RELN: variants seen among roughly 807,000 people sequenced by gnomAD.
The protein encoded by RELN is reelin.
A neutral mutation model predicts 427.6 loss-of-function variants in RELN; 108 were observed. The ratio of observed to expected loss-of-function variants is 0.25; its 90% CI spans 0.22 to 0.30. RELN has a LOEUF of 0.30. Among genes scored for constraint, RELN ranks in the 10% least tolerant of loss-of-function variants. RELN has a pLI of 1.00. For synonymous variants in RELN, 1,524 were observed against 1,513.4 expected (o/e 1.01, Z -0.16); for missense variants, 3,715 against 4,302.8 (o/e 0.86, Z 3.82).
intron 11 of RELN, among the ~76,000 whole-genome samples, chr7:103,662,964 T>C (rs1339224166): frequency 1.3e-5 from 2 of 152,202 alleles, no homozygotes; most frequent in Non-Finnish European, 1.5e-5. Flanking sequence ...TCTCGCCTTG[T>C]ACCATGTCTC....
At chr7:103,659,725 T>C (rs1833097480) in intron 12 of RELN, among the ~76,000 whole-genome samples, 1 of 152,168 alleles carries the variant, frequency 6.6e-6, no homozygotes, top group Admixed American at 6.5e-5. Context: ...GGGTGGGAAC[T>C]CAGATTAATT....
chr7:103,882,097 T>C (rs1161398817), intron 2 of RELN, among the ~76,000 whole-genome samples: 5 of 152,144 alleles, frequency 3.3e-5, no homozygotes, highest in Non-Finnish European at 7.4e-5. Flanking sequence ...TAAATGATTC[T>C]CTGAACCAAA....
intron 11 of RELN, among the ~76,000 whole-genome samples, chr7:103,662,872 G>A (rs1833175406): frequency 1.3e-5 from 2 of 152,052 alleles, no homozygotes; most frequent in South Asian, 4.1e-4. Context: ...CTCCCCCATT[G>A]CTATCTGGAC....
intron 1 of RELN, among the ~76,000 whole-genome samples, chr7:103,977,242 T>C (rs899712670): frequency 1.5e-5 from 2 of 134,350 alleles, no homozygotes; most frequent in African/African-American, 5.7e-5. Context: ...GCCCAGGAGG[T>C]GGAGGTTGCA....
intron 16 of RELN, among the ~76,000 whole-genome samples, chr7:103,648,616 G>A (rs567462044): frequency 2.6e-5 from 4 of 152,098 alleles, no homozygotes; most frequent in Middle Eastern, 3.2e-3. Flanking sequence ...CAAAGTTTCT[G>A]CACAGTAAAA....
chr7:103,943,982 C>CACCA (rs1796168551), intron 1 of RELN, among the ~76,000 whole-genome samples: 4 of 151,342 alleles, frequency 2.6e-5, no homozygotes, highest in Non-Finnish European at 5.9e-5. Context: ...TGGTTTAATG[C>CACCA]TTCAGCACCA....
chr7:103,491,324 G>A (rs1169360035), intron 58 of RELN, among the ~76,000 whole-genome samples: 2 of 152,132 alleles, frequency 1.3e-5, no homozygotes, highest in Non-Finnish European at 2.9e-5. Flanking sequence ...AGTTGAAAAT[G>A]AGTAACATGA....
intron 45 of RELN, among the ~76,000 whole-genome samples, chr7:103,537,288 A>G (rs1830074934): frequency 6.6e-6 from 1 of 152,080 alleles, no homozygotes; most frequent in East Asian, 1.9e-4. Flanking sequence ...GTGCAACTCT[A>G]CATTGCTTCC....
At chr7:103,658,572 C>A (rs1833071792) in intron 12 of RELN, among the ~76,000 whole-genome samples, 1 of 152,084 alleles carries the variant, frequency 6.6e-6, no homozygotes, top group African/African-American at 2.4e-5. Context: ...ATCCATCTAT[C>A]CCATCCTAAA....
At chr7:103,484,677 T>G (rs1466886075) in intron 61 of RELN, 1 of 152,260 alleles carries the variant, frequency 6.6e-6, no homozygotes, top group Non-Finnish European at 1.5e-5. Context: ...ATGTATCCTC[T>G]TTTCATGATG....
At chr7:103,867,299 T>G (rs926889922) in intron 2 of RELN, among the ~76,000 whole-genome samples, 6 of 151,978 alleles carry the variant, frequency 3.9e-5, no homozygotes, top group African/African-American at 1.4e-4. Context: ...CCAGACCATT[T>G]ATATTTCCCA....
chr7:103,969,127 T>A (rs150652409), intron 1 of RELN, among the ~76,000 whole-genome samples: 1 of 142,950 alleles, frequency 7.0e-6, no homozygotes, highest in African/African-American at 2.7e-5. Context: ...TTCCCACTCA[T>A]AAAACAGAGG....
chr7:103,622,342 C>G (rs1201775033), intron 20 of RELN, among the ~76,000 whole-genome samples: 1 of 152,174 alleles, frequency 6.6e-6, no homozygotes, highest in African/African-American at 2.4e-5. Flanking sequence ...TTCAAATAGT[C>G]CATTCATCCA....
At chr7:103,753,806 T>C (rs1458683865) in intron 4 of RELN, among the ~76,000 whole-genome samples, 2 of 152,234 alleles carry the variant, frequency 1.3e-5, no homozygotes, top group African/African-American at 4.8e-5. Context: ...TTGAAGAATG[T>C]CTTGATGTTA....
At chr7:103,844,723 T>C (rs1026962259) in intron 2 of RELN, among the ~76,000 whole-genome samples, 16 of 152,332 alleles carry the variant, frequency 1.1e-4, no homozygotes, top group East Asian at 5.8e-4. Flanking sequence ...ATCTACTCAA[T>C]AGAACTGTGG....
At chr7:103,482,752 A>C (rs1828287158) in intron 63 of RELN, 121 bp downstream of exon 63, 2 of 1,557,754 alleles carry the variant, frequency 1.3e-6, no homozygotes, top group African/African-American at 1.4e-5. Flanking sequence ...GTGTAAGCCA[A>C]AGTGCTCCTG....
chr7:103,540,337 A>C lies in RELN; in HGVS notation c.6790T>G (p.Phe2264Val). The change falls in exon 44 of 65, where the codon TTC (phenylalanine) becomes GTC (valine). Residue 2264 changes from phenylalanine to valine, a missense_variant. By Grantham distance (50) the Phe-to-Val change is conservative. Transcript: ENST00000428762. ...ACATTGCTGGAATTGCTGAAAAGGA[A>C]CTCCTGAAGAAGACTCCACGAGAGG... Reference protein sequence around the residue: ...GGLSWSLLQEFLFSNSSNVGR... With the variant: ...GGLSWSLLQEVLFSNSSNVGR... 6.2e-7 allele frequency: 1 copy of C among 1,613,914 alleles called. No individual in the cohort carries two copies. The highest frequency in any genetic ancestry group is 1.1e-5 in the South Asian group (1 of 91,050).
chr7:103,647,704 TC>T (rs1832825738), intron 16 of RELN, among the ~76,000 whole-genome samples: 1 of 151,788 alleles, frequency 6.6e-6, no homozygotes, highest in Admixed American at 6.6e-5. Context: ...AAAAAAACAA[TC>T]CTAAAATTCA....
At chr7:103,732,479 T>C (rs1364790804) in intron 6 of RELN, among the ~76,000 whole-genome samples, 2 of 152,044 alleles carry the variant, frequency 1.3e-5, no homozygotes, top group Non-Finnish European at 2.9e-5. Context: ...ACTACACATA[T>C]GAATGCCATT....
Sources: gnomAD v4.1 joint callset for allele counts (sites outside exome capture counted in the v4.1 genomes callset) on GRCh38, gnomAD v4.1.1 for gene constraint, MANE v1.5 for transcripts, NCBI Gene and HGNC (gene_info 2026-07-23, HGNC 2026-07-21) for gene names.